ANKRD24: variants seen among roughly 807,000 people sequenced by gnomAD.
ANKRD24 encodes the protein ankyrin repeat domain-containing protein 24.
ANKRD24 carries 109 observed loss-of-function variants against 127.8 expected under a neutral mutation model. The observed-to-expected ratio is 0.85, with a 90% confidence interval of 0.73 to 1.00. The LOEUF (loss-of-function observed/expected upper bound fraction) is 1.00. Ranked by LOEUF, ANKRD24 falls within the 50% of genes least tolerant of loss-of-function variation. ANKRD24 has a pLI of 0.00. For synonymous variants in ANKRD24, 743 were observed against 671.1 expected, an observed-to-expected ratio of 1.11 and a Z score of -1.66; for missense variants, 1,648 against 1,570.2, an observed-to-expected ratio of 1.05 and a Z score of -0.84.
In ANKRD24 at chr19:4,217,433, A is replaced by C. The variant is rs1970169967; in HGVS notation, c.2273A>C (p.Glu758Ala). Residue 758 changes from glutamate (E) to alanine (A), a missense_variant, in exon 18 of 22, where the codon GAG becomes GCG. Coordinates refer to ENST00000318934, the MANE Select transcript of ANKRD24 (RefSeq NM_001393985.1). Reference protein sequence around the residue: ...EAALGKCEAAEAEAGRLRERV... With the variant: ...EAALGKCEAAAAEAGRLRERV... The stretch of plus-strand genomic sequence containing the variant: ...GCCCTGGGGAAGTGCGAGGCCGCGG[A>C]GGCCGAGGCAGGCCGGCTGCGAGAG... The C allele has an allele frequency of 6.5e-7, 1 of 1,531,976 alleles. No homozygotes were observed. Among genetic ancestry groups the C allele is most frequent in the Non-Finnish European group, 8.8e-7 (1 of 1,140,122 alleles). 94.9% of individuals were successfully genotyped at this position (1,531,976 alleles called of 1,614,324 possible).
chr19:4,223,581 G>GT (rs35380480), intron 20 of ANKRD24, among the ~76,000 whole-genome samples: 7 of 142,564 alleles, frequency 4.9e-5, no homozygotes, highest in Non-Finnish European at 9.2e-5. Context: ...GAAATTTTTT[G>GT]TTTTTTTTGA....
intron 7 of ANKRD24, among the ~76,000 whole-genome samples, chr19:4,206,834 C>T (rs567493324): frequency 1.3e-5 from 2 of 152,198 alleles, no homozygotes; most frequent in South Asian, 4.1e-4. Flanking sequence ...AGGGTCACAC[C>T]CAGGCAGAAA....
chr19:4,224,447 T>G lies in ANKRD24; in HGVS notation c.3383T>G (p.Val1128Gly). 1 of 1,613,428 alleles carries G rather than the reference T, an allele frequency of 6.2e-7. No individual in the cohort carries two copies. Among genetic ancestry groups the G allele is most frequent in the Non-Finnish European group, 8.5e-7 (1 of 1,179,738 alleles). The change falls in exon 22 of 22, where the codon GTG becomes GGG. Residue 1128 changes from valine to glycine, a missense_variant. Coordinates refer to ENST00000318934, the MANE Select transcript of ANKRD24 (RefSeq NM_001393985.1). ...YAIQGQMDED[V>G]QRILSQILQM... ...CCCTAGGGCCAGATGGATGAAGATGTGCAGCGGATTCTCAGCCAGATTCTG... is the reference window on the plus strand; with the variant it reads ...CCCTAGGGCCAGATGGATGAAGATGGGCAGCGGATTCTCAGCCAGATTCTG...
At chr19:4,194,963 C>G (rs1968613920) in intron 2 of ANKRD24, among the ~76,000 whole-genome samples, 1 of 150,758 alleles carries the variant, frequency 6.6e-6, no homozygotes, top group South Asian at 2.1e-4. Flanking sequence ...GGCATTTGCT[C>G]TGATTGATTG....
intron 2 of ANKRD24, among the ~76,000 whole-genome samples, chr19:4,192,087 C>T (rs187689249): frequency 7.2e-5 from 11 of 152,066 alleles, no homozygotes; most frequent in African/African-American, 1.2e-4. Context: ...CTGTGCCCAA[C>T]CAACACCGTT....
At chr19:4,213,117 C>T (rs1415076243) in intron 15 of ANKRD24, among the ~76,000 whole-genome samples, 1 of 151,982 alleles carries the variant, frequency 6.6e-6, no homozygotes, top group Non-Finnish European at 1.5e-5. Flanking sequence ...GGTGACAGAG[C>T]GAGACTCAGT....
intron 13 of ANKRD24, among the ~76,000 whole-genome samples, chr19:4,210,709 ACACTTCCCATGCCCACTTCCCATGCC>A (rs139610132): frequency 7.4e-5 from 11 of 147,804 alleles, no homozygotes; most frequent in East Asian, 2.0e-4. Flanking sequence ...CTCGCCAAAG[ACACTTCCCATGCCCACTTCCCATGCC>A]CACTTCCCAT....
chr19:4,182,979 G>GTGTGTGTGTGTGTT (rs1967818723), intron 1 of ANKRD24, among the ~76,000 whole-genome samples: 3 of 150,688 alleles, frequency 2.0e-5, no homozygotes, highest in Non-Finnish European at 3.0e-5. Context: ...GTGTGTGTGT[G>GTGTGTGTGTGTGTT]TGTGTGTGTG....
chr19:4,202,178 A>G, intron 6 of ANKRD24, 88 bp downstream of exon 6: 1 of 1,241,028 alleles, frequency 8.1e-7, no homozygotes, highest in Non-Finnish European at 1.2e-6. Flanking sequence ...TGCTCTATGA[A>G]TCCTAGATAT....
intron 15 of ANKRD24, among the ~76,000 whole-genome samples, chr19:4,213,795 C>T (rs1050562301): frequency 6.6e-6 from 1 of 151,794 alleles, no homozygotes; most frequent in South Asian, 2.1e-4. Context: ...CCATCACACC[C>T]GGCTAATTTT....
Position 4,224,421 on chromosome 19 carries a change from A to C in ANKRD24, c.3364-7A>C, listed in dbSNP as rs372984726. The C allele has an allele frequency of 7.9e-5, 127 of 1,612,666 alleles. No individual in the cohort carries two copies. Among genetic ancestry groups the C allele is most frequent in the Non-Finnish European group, 9.9e-5 (117 of 1,179,546 alleles). ...CTCAGGGTCTTCCTCTACTCCCCCA[A>C]CCCTAGGGCCAGATGGATGAAGATG... On this transcript the variant is annotated splice_region_variant and splice_polypyrimidine_tract_variant and intron_variant, in intron 21 of 21. Transcript: ENST00000318934.
intron 13 of ANKRD24, 23 bp from the exon 14 acceptor site, chr19:4,212,452 C>G (rs757234642): frequency 1.1e-5 from 17 of 1,574,382 alleles, no homozygotes; most frequent in Non-Finnish European, 1.3e-5. Context: ...GATCCAAACC[C>G]CTGTCCCTGT....
rs185820823 is a variant in ANKRD24 at position 4,186,527 on chromosome 19, G to A, written c.36+66G>A. On this transcript the variant is annotated intron_variant, in intron 2 of 21. Transcript: ENST00000318934. ...TTCAGCCTTCTGTCTCCTGGGGCTT[G>A]GCTGAAGATCCACCCTTTCATTCCA... 2.1e-5 allele frequency: 32 copies of A among 1,535,034 alleles called. No individual in the cohort carries two copies. The East Asian group carries it at 6.6e-4, about 31-fold the overall frequency.
In ANKRD24 at chr19:4,216,535, C is replaced by G. The variant is rs778783158; in HGVS notation, c.1390-15C>G. On this transcript the variant is annotated splice_polypyrimidine_tract_variant and intron_variant, in intron 17 of 21. Coordinates refer to ENST00000318934, the MANE Select transcript of ANKRD24 (RefSeq NM_001393985.1). ...CAACTCCTGCCAGACTCCTGCCCCCCACTCCACTCCCCAGATCCTGGAGAA... is the reference window on the plus strand; with the variant it reads ...CAACTCCTGCCAGACTCCTGCCCCCGACTCCACTCCCCAGATCCTGGAGAA... 11 of 1,594,024 alleles carry G rather than the reference C, an allele frequency of 6.9e-6. No homozygotes were observed. In the Admixed American group the frequency reaches 1.4e-4, roughly 20 times the overall value.
At position 4,216,862 on chromosome 19, in the gene ANKRD24, G is replaced by A. The variant is rs765469988; in HGVS notation, c.1702G>A (p.Gly568Arg). 6 of 1,611,200 alleles carry A rather than the reference G, an allele frequency of 3.7e-6. No homozygotes were observed. In the African/African-American group the frequency reaches 4.0e-5, roughly 11 times the overall value. The change falls in exon 18 of 22, where the codon GGA (glycine) becomes AGA (arginine). Residue 568 changes from glycine to arginine, a missense_variant. By Grantham distance (125) the Gly-to-Arg change is moderately radical (BLOSUM62 -2). Coordinates refer to ENST00000318934, the MANE Select transcript of ANKRD24 (RefSeq NM_001393985.1). ...CGAGACCATAGATGAGGAGGCTGCA[G>A]GAGATGAAACCATGGAAGCCAGGAC... is the stretch of plus-strand genomic sequence containing the variant. ...GAETIDEEAAGDETMEARTME... is the reference protein window; with the variant it reads ...GAETIDEEAARDETMEARTME...
chr19:4,212,803 C>T (rs1022686936), intron 15 of ANKRD24, 105 bp downstream of exon 15: 11 of 1,068,428 alleles, frequency 1.0e-5, no homozygotes, highest in East Asian at 7.9e-5. Flanking sequence ...GCCTCACACA[C>T]GTGCAAACAC....
intron 11 of ANKRD24, among the ~76,000 whole-genome samples, chr19:4,209,623 GTAT>G (rs1266028725): frequency 1.3e-5 from 2 of 151,552 alleles, no homozygotes; most frequent in Non-Finnish European, 2.9e-5. Context: ...CTAATTTTTT[GTAT>G]TTTTAGTAGG....
At chr19:4,224,021 C>A in intron 20 of ANKRD24, 106 bp from the exon 21 acceptor site, 1 of 793,234 alleles carries the variant, frequency 1.3e-6, no homozygotes, top group South Asian at 1.7e-5. Context: ...TTTTAGCAGT[C>A]GGCCATCAAC....
intron 20 of ANKRD24, 46 bp downstream of exon 20, chr19:4,222,841 G>T: frequency 1.3e-6 from 2 of 1,543,572 alleles, no homozygotes; most frequent in Non-Finnish European, 1.8e-6. Context: ...CAGGGTGGAG[G>T]AGTCCAAATA....
Sources: gnomAD v4.1 joint callset for allele counts (sites outside exome capture counted in the v4.1 genomes callset) on GRCh38, gnomAD v4.1.1 for gene constraint, MANE v1.5 for transcripts, NCBI Gene and HGNC (gene_info 2026-07-23, HGNC 2026-07-21) for gene names.